RARB: variants seen among roughly 807,000 people sequenced by gnomAD.
RARB encodes the protein HBV-activated protein.
A neutral mutation model predicts 51.9 loss-of-function variants in RARB; 17 were observed. The ratio of observed to expected loss-of-function variants is 0.33; its 90% CI spans 0.22 to 0.49. The LOEUF (loss-of-function observed/expected upper bound fraction) is 0.49. RARB is among the 20% of genes least tolerant of loss of function. RARB has a pLI of 0.99. For synonymous variants in RARB, 215 were observed against 195.4 expected, an observed-to-expected ratio of 1.10 and a Z score of -0.84; for missense variants, 369 against 550.8, an observed-to-expected ratio of 0.67 and a Z score of 3.30.
At chr3:25,505,207 C>T (rs760312692) in intron 3 of RARB, among the ~76,000 whole-genome samples, 1 of 152,124 alleles carries the variant, frequency 6.6e-6, no homozygotes, top group East Asian at 1.9e-4. Flanking sequence ...GACACAGAGA[C>T]ATTAATTTAC....
intron 5 of RARB, among the ~76,000 whole-genome samples, chr3:25,342,564 A>G (rs1006754129): frequency 6.6e-6 from 1 of 152,190 alleles, no homozygotes; most frequent in African/African-American, 2.4e-5. Flanking sequence ...AGGCAAAACA[A>G]GTACCAACCT....
chr3:25,473,687 G>A (rs1695813177), intron 2 of RARB, among the ~76,000 whole-genome samples: 2 of 152,158 alleles, frequency 1.3e-5, no homozygotes, highest in Admixed American at 6.5e-5. Flanking sequence ...GTGTCAAGAT[G>A]TATGAGAAGG....
chr3:25,237,102 TC>T (rs1348251140), intron 5 of RARB, among the ~76,000 whole-genome samples: 6 of 152,032 alleles, frequency 3.9e-5, no homozygotes, highest in African/African-American at 1.4e-4. Context: ...AATAAAGGTC[TC>T]CTTTTATCTG....
intron 5 of RARB, among the ~76,000 whole-genome samples, chr3:25,304,410 C>T (rs1409600148): frequency 2.6e-5 from 4 of 152,288 alleles, no homozygotes; most frequent in East Asian, 3.9e-4. Flanking sequence ...ACATGTCTGC[C>T]GTAACTGCTA....
At chr3:25,508,062 C>A (rs1313315825) in intron 3 of RARB, among the ~76,000 whole-genome samples, 1 of 152,158 alleles carries the variant, frequency 6.6e-6, no homozygotes, top group Non-Finnish European at 1.5e-5. Context: ...GAGTGATGGG[C>A]AAAACATGTC....
intron 1 of RARB, among the ~76,000 whole-genome samples, chr3:24,855,663 A>T (rs1013355935): frequency 5.9e-5 from 9 of 152,262 alleles, no homozygotes; most frequent in African/African-American, 2.2e-4. Context: ...TGGATTGTTT[A>T]AAAAAATTTG....
chr3:24,901,232 C>G lies in RARB; in HGVS notation c.-380+42480C>G, dbSNP rs144497311. Among the ~76,000 whole-genome samples the G allele has an allele frequency of 2.6e-5, 4 of 152,262 alleles. No individual in the cohort carries two copies. In the East Asian group the frequency reaches 7.7e-4, roughly 29 times the overall value. ...TCCTTTCCTGGGAAACTGGGAACTG[C>G]AATTGTCAATGAATGATTGGGTATT... On this transcript the variant is annotated intron_variant, in intron 2 of 11. Coordinates refer to the RARB transcript ENST00000383772.
chr3:24,854,692 T>C (rs757832824), intron 1 of RARB, among the ~76,000 whole-genome samples: 2 of 152,148 alleles, frequency 1.3e-5, no homozygotes, highest in Non-Finnish European at 2.9e-5. Context: ...ACTTCCTCAC[T>C]ACTGTCCTAC....
At chr3:24,866,694 G>A (rs1301393827) in intron 2 of RARB, among the ~76,000 whole-genome samples, 1 of 152,112 alleles carries the variant, frequency 6.6e-6, no homozygotes, top group Admixed American at 6.6e-5. Context: ...TTTCCTTCTT[G>A]CTTTTCAGTT....
At chr3:25,223,407 CA>C (rs1197593704) in intron 5 of RARB, among the ~76,000 whole-genome samples, 1 of 152,088 alleles carries the variant, frequency 6.6e-6, no homozygotes, top group South Asian at 2.1e-4. Flanking sequence ...AAGAAATATC[CA>C]TATGAATTTG....
chr3:25,259,572 C>T (rs967889240), intron 5 of RARB, among the ~76,000 whole-genome samples: 14 of 152,156 alleles, frequency 9.2e-5, no homozygotes, highest in Admixed American at 7.2e-4. Flanking sequence ...AGTTCTTCCT[C>T]CCATCTACTG....
rs150856358 is a variant in RARB at position 25,420,067 on chromosome 3, T to A, written c.179-41126T>A. ...AAACTATTTTTTTAACCAAAAATAC[T>A]TAACATTGTATTCACATTACCTGTG... On this transcript the variant is annotated intron_variant, in intron 5 of 11. Coordinates refer to the RARB transcript ENST00000383772. 7.9e-5 allele frequency among the ~76,000 whole-genome samples: 12 copies of A among 152,282 alleles called. 1 individual carries two copies. The East Asian group carries it at 2.3e-3, about 29-fold the overall frequency.
intron 3 of RARB, among the ~76,000 whole-genome samples, chr3:25,523,425 T>C (rs1329412107): frequency 6.6e-6 from 1 of 152,196 alleles, no homozygotes; most frequent in Non-Finnish European, 1.5e-5. Context: ...ACAAGGGAGA[T>C]ACGGAAATTC....
intron 4 of RARB, among the ~76,000 whole-genome samples, chr3:25,575,728 C>A (rs1379531759): frequency 6.6e-6 from 1 of 152,168 alleles, no homozygotes. Context: ...AGGGCCCACC[C>A]TAATTACCTC....
chr3:25,258,843 A>T (rs1311302092), intron 5 of RARB, among the ~76,000 whole-genome samples: 1 of 152,088 alleles, frequency 6.6e-6, no homozygotes, highest in Non-Finnish European at 1.5e-5. Context: ...TCTCTCTTGC[A>T]ATAATTAATT....
intron 4 of RARB, among the ~76,000 whole-genome samples, chr3:25,173,478 A>G (rs112487953): frequency 1.3e-5 from 2 of 152,298 alleles, no homozygotes; most frequent in African/African-American, 4.8e-5. Flanking sequence ...GATAATAAAG[A>G]AGTGATACAT....
chr3:25,100,652 TCTG>T (rs1419369228), intron 3 of RARB, among the ~76,000 whole-genome samples: 32 of 151,598 alleles, frequency 2.1e-4, no homozygotes, highest in Non-Finnish European at 2.2e-4. Flanking sequence ...GAGAGATAAC[TCTG>T]CTATTTTTAT....
At chr3:25,409,642 T>A (rs1216436430) in intron 5 of RARB, among the ~76,000 whole-genome samples, 1 of 152,170 alleles carries the variant, frequency 6.6e-6, no homozygotes, top group East Asian at 1.9e-4. Context: ...CAAAGAGGTA[T>A]ACAGAGTGCA....
At position 25,123,107 on chromosome 3, in the gene RARB, G is replaced by A. The variant is rs112691243; in HGVS notation, c.-327-9054G>A. Among the ~76,000 whole-genome samples the A allele has an allele frequency of 5.4e-3, 815 of 152,240 alleles. 9 individuals are homozygous for A. The highest frequency in any genetic ancestry group is 0.019 in the African/African-American group (772 of 41,530). The stretch of plus-strand genomic sequence containing the variant: ...CTTTGACTTGGCACTTGGGGTGTCG[G>A]CAGGGAGGAGTTTCATAACTGTTTT... On this transcript the variant is annotated intron_variant, in intron 3 of 11. Coordinates refer to the RARB transcript ENST00000383772.
Sources: allele counts gnomAD v4.1 joint callset (sites outside exome capture counted in the v4.1 genomes callset), GRCh38; gene constraint gnomAD v4.1.1; transcripts MANE v1.5; gene names NCBI Gene and HGNC (gene_info 2026-07-23, HGNC 2026-07-21).